The following CECR2 variants were observed in gnomAD, a reference collection of about 807,000 sequenced individuals.
CECR2 encodes CECR2 histone acetyl-lysine reader, also known as chromatin remodeling regulator CECR2.
A neutral mutation model predicts 154.5 loss-of-function variants in CECR2; 30 were observed. That is an observed-to-expected ratio of 0.19 (90% CI 0.15 to 0.26). The LOEUF is 0.26. CECR2 is among the 10% of genes least tolerant of loss of function. The pLI is 1.00. For synonymous variants in CECR2, 725 were observed against 683.7 expected (o/e 1.06, Z -0.94); for missense variants, 1,743 against 1,829.3 (o/e 0.95, Z 0.86).
At position 17,434,651 on chromosome 22, in the gene CECR2, CT is replaced by C. The variant is rs763314160; in HGVS notation, c.127-42936del. 3.2e-4 allele frequency among the ~76,000 whole-genome samples: 49 copies of C among 151,606 alleles called. 1 individual carries two copies. In the Middle Eastern group the frequency reaches 0.01, roughly 32 times the overall value. On this transcript the variant is annotated intron_variant, in intron 1 of 18. Coordinates refer to ENST00000262608, the MANE Select transcript of CECR2 (RefSeq NM_001290047.2). ...CACTCTTTTTATGCCCGCACCCCCC[CT>C]GCTGCTCCCCGTAGCTAAGCTGTCA...
At chr22:17,552,437 T>C (rs1323300577) in intron 18 of CECR2, among the ~76,000 whole-genome samples, 1 of 152,194 alleles carries the variant, frequency 6.6e-6, no homozygotes, top group Admixed American at 6.5e-5. Flanking sequence ...CTTGTCTGTT[T>C]TATGCTTCCC....
intron 9 of CECR2, among the ~76,000 whole-genome samples, chr22:17,527,200 G>A (rs1348741543): frequency 6.6e-6 from 1 of 152,242 alleles, no homozygotes; most frequent in Non-Finnish European, 1.5e-5. Context: ...AGTCATGCTT[G>A]TAAGCTCAGC....
At chr22:17,490,509 A>G (rs2055508122) in intron 2 of CECR2, among the ~76,000 whole-genome samples, 1 of 152,078 alleles carries the variant, frequency 6.6e-6, no homozygotes, top group Non-Finnish European at 1.5e-5. Context: ...ATCTCAGCTC[A>G]CTGCAACCTC....
chr22:17,403,391 G>T (rs1014621564), intron 1 of CECR2, among the ~76,000 whole-genome samples: 1 of 152,112 alleles, frequency 6.6e-6, no homozygotes, highest in Non-Finnish European at 1.5e-5. Flanking sequence ...GCACGTATTT[G>T]CTTGTAAGTG....
At chr22:17,522,065 TGTGTG>T (rs1218775175) in intron 8 of CECR2, among the ~76,000 whole-genome samples, 1 of 152,156 alleles carries the variant, frequency 6.6e-6, no homozygotes, top group East Asian at 1.9e-4. Context: ...TGGTTGTAGA[TGTGTG>T]GTGTTATTTC....
chr22:17,402,943 G>A (rs1319392051), intron 1 of CECR2, among the ~76,000 whole-genome samples: 2 of 151,984 alleles, frequency 1.3e-5, no homozygotes, highest in Non-Finnish European at 2.9e-5. Context: ...TTTTAGTAGA[G>A]ACGGGGTTTC....
intron 1 of CECR2, among the ~76,000 whole-genome samples, chr22:17,371,288 C>T (rs2063057736): frequency 6.6e-6 from 1 of 152,168 alleles, no homozygotes; most frequent in Non-Finnish European, 1.5e-5. Flanking sequence ...TAGGGCCACT[C>T]ACTGGCTTTT....
chr22:17,510,978 T>C (rs903616575), intron 7 of CECR2, among the ~76,000 whole-genome samples: 2 of 152,208 alleles, frequency 1.3e-5, no homozygotes, highest in African/African-American at 4.8e-5. Flanking sequence ...GTTTAAGTTG[T>C]ATAAACCACC....
At chr22:17,544,074 G>A (rs1339999552) in intron 16 of CECR2, among the ~76,000 whole-genome samples, 1 of 152,186 alleles carries the variant, frequency 6.6e-6, no homozygotes, top group Non-Finnish European at 1.5e-5. Context: ...AAAAAGTACT[G>A]TCAGCCGGGC....
intron 9 of CECR2, among the ~76,000 whole-genome samples, chr22:17,531,436 C>T (rs193271125): frequency 6.6e-6 from 1 of 152,312 alleles, no homozygotes; most frequent in African/African-American, 2.4e-5. Context: ...CCCTCTGATG[C>T]TCCCTTTGGT....
chr22:17,517,270 G>A (rs1438335184), intron 8 of CECR2, among the ~76,000 whole-genome samples: 1 of 152,234 alleles, frequency 6.6e-6, no homozygotes, highest in Non-Finnish European at 1.5e-5. Flanking sequence ...GCTGTGCTAA[G>A]ACGTGCTTCC....
intron 8 of CECR2, chr22:17,518,731 G>A: frequency 2.5e-6 from 1 of 406,686 alleles, no homozygotes; most frequent in South Asian, 2.1e-5. Flanking sequence ...GCAGGATCCT[G>A]CTCCCTTCTT....
At position 17,412,895 on chromosome 22, in the gene CECR2, C is replaced by G. The variant is rs149263554; in HGVS notation, c.126+42986C>G. Among the ~76,000 whole-genome samples the G allele has an allele frequency of 4.6e-5, 7 of 152,274 alleles. No homozygotes were observed. The East Asian group carries it at 7.7e-4, about 17-fold the overall frequency. On this transcript the variant is annotated intron_variant, in intron 1 of 18. Coordinates refer to ENST00000262608, the MANE Select transcript of CECR2 (RefSeq NM_001290047.2). Reference sequence around the variant, plus strand: ...GTCTGTGTATCTGTGCCTCCACATTCTGTTCTTTGAAGACGATGCTGCTTT... The same window carrying G: ...GTCTGTGTATCTGTGCCTCCACATTGTGTTCTTTGAAGACGATGCTGCTTT...
intron 6 of CECR2, 32 bp from the exon 7 acceptor site, chr22:17,504,815 T>G: frequency 1.3e-6 from 2 of 1,588,382 alleles, no homozygotes; most frequent in South Asian, 2.2e-5. Flanking sequence ...TCATGGGATC[T>G]CCTGTAGTGA....
intron 16 of CECR2, among the ~76,000 whole-genome samples, chr22:17,547,334 A>G (rs1390254936): frequency 6.6e-6 from 1 of 151,656 alleles, no homozygotes; most frequent in African/African-American, 2.4e-5. Context: ...GGTTCACGCC[A>G]TTCTCCTGCC....
intron 1 of CECR2, among the ~76,000 whole-genome samples, chr22:17,382,300 C>T (rs1278368274): frequency 6.6e-6 from 1 of 152,176 alleles, no homozygotes; most frequent in African/African-American, 2.4e-5. Flanking sequence ...GATCATTTTT[C>T]TTCAGGCAGT....
At chr22:17,378,643 C>A (rs1187497647) in intron 1 of CECR2, among the ~76,000 whole-genome samples, 1 of 152,146 alleles carries the variant, frequency 6.6e-6, no homozygotes, top group Non-Finnish European at 1.5e-5. Flanking sequence ...GCCAATAGCA[C>A]CCCCAGTCAT....
chr22:17,536,640 C>T (rs569157082), intron 9 of CECR2, among the ~76,000 whole-genome samples: 7 of 152,254 alleles, frequency 4.6e-5, no homozygotes, highest in South Asian at 4.1e-4. Flanking sequence ...CTGGGACGTG[C>T]GTTTAAAATC....
chr22:17,365,704 A>G (rs1409866236), upstream of CECR2, among the ~76,000 whole-genome samples: 1 of 151,958 alleles, frequency 6.6e-6, no homozygotes, highest in Non-Finnish European at 1.5e-5. Context: ...GGAAAAACAA[A>G]CAAACAAACA....
Sources: allele counts gnomAD v4.1 joint callset (sites outside exome capture counted in the v4.1 genomes callset), GRCh38; gene constraint gnomAD v4.1.1; transcripts MANE v1.5; gene names NCBI Gene and HGNC (gene_info 2026-07-23, HGNC 2026-07-21).